RBFOX3: variants seen among roughly 807,000 people sequenced by gnomAD.
RBFOX3 encodes RNA binding protein fox-1 homolog 3.
A neutral mutation model predicts 48.7 loss-of-function variants in RBFOX3; 17 were observed. That is an observed-to-expected ratio of 0.35 (90% CI 0.24 to 0.52). The LOEUF is 0.52. Among genes scored for constraint, RBFOX3 ranks in the 20% least tolerant of loss-of-function variants. The pLI is 0.94. For missense variants in RBFOX3, 382 were observed against 497.5 expected (o/e 0.77, Z 2.21); for synonymous variants, 212 against 209.5 (o/e 1.01, Z -0.10).
chr17:79,441,494 T>C (rs2070903975), intron 2 of RBFOX3, among the ~76,000 whole-genome samples: 1 of 151,830 alleles, frequency 6.6e-6, no homozygotes, highest in Admixed American at 6.5e-5. Flanking sequence ...AGAGCAGAGA[T>C]TGGAGAGACG....
intron 3 of RBFOX3, among the ~76,000 whole-genome samples, chr17:79,302,199 T>A (rs1002657939): frequency 2.0e-5 from 3 of 152,210 alleles, no homozygotes; most frequent in Admixed American, 1.3e-4. Context: ...CTGTGCTGAT[T>A]CCTTCACACA....
the RBFOX3 span, among the ~76,000 whole-genome samples, chr17:79,620,676 C>G: frequency 6.9e-6 from 1 of 144,328 alleles, no homozygotes; most frequent in South Asian, 2.1e-4. Flanking sequence ...CATGCACACA[C>G]GCACATGCAC....
At chr17:79,450,947 G>A (rs1555741269) in intron 2 of RBFOX3, among the ~76,000 whole-genome samples, 1 of 152,210 alleles carries the variant, frequency 6.6e-6, no homozygotes, top group African/African-American at 2.4e-5. Flanking sequence ...CACAAAATGA[G>A]ATTTTCTAAA....
intron 1 of RBFOX3, among the ~76,000 whole-genome samples, chr17:79,548,708 CCTG>C (rs1555792741): frequency 6.6e-6 from 1 of 152,238 alleles, no homozygotes; most frequent in Non-Finnish European, 1.5e-5. Context: ...TGGAGAACAG[CCTG>C]CTACCATCTC....
At chr17:79,601,028 C>G (rs891476983) in intron 1 of RBFOX3, 13 of 152,420 alleles carry the variant, frequency 8.5e-5, no homozygotes, top group African/African-American at 3.1e-4. Context: ...AGCAAGCAGC[C>G]GACATGGCCA....
intron 3 of RBFOX3, among the ~76,000 whole-genome samples, chr17:79,256,988 T>C (rs2064985329): frequency 6.6e-6 from 1 of 151,310 alleles, no homozygotes; most frequent in Non-Finnish European, 1.5e-5. Context: ...AGGAAAGAAG[T>C]TCGTGACGCG....
In RBFOX3 at chr17:79,371,345, C is replaced by CCCGT. The variant is rs758447431; in HGVS notation, c.-174-63525_-174-63522dup. Among the ~76,000 whole-genome samples, 21 of 152,326 alleles carry CCCGT rather than the reference C, an allele frequency of 1.4e-4. 1 individual carries two copies. Among genetic ancestry groups the CCCGT allele is most frequent in the Middle Eastern group, 3.4e-3 (1 of 294 alleles). On this transcript the variant is annotated intron_variant, in intron 2 of 14. Transcript: ENST00000693108. ...CTTTAGAACAAATGAGGAAGCTTTG[C>CCCGT]CCGTGGCCAGATTCCAGAGGAGCCC...
chr17:79,230,104 G>A lies in RBFOX3; in HGVS notation c.-34+5662C>T, dbSNP rs377056042. Among the ~76,000 whole-genome samples the A allele has an allele frequency of 5.5e-4, 84 of 152,274 alleles. No individual in the cohort carries two copies. In the East Asian group the frequency reaches 0.015, roughly 28 times the overall value. ...GCTATTCTCACTGGGGGCAAGGGGG[G>A]TGCCGCCCAGAGGCACAGTGACACG... On this transcript the variant is annotated intron_variant, in intron 4 of 14. Transcript: ENST00000693108.
chr17:79,128,308 G>T (rs1015691615), intron 4 of RBFOX3, among the ~76,000 whole-genome samples: 4 of 152,186 alleles, frequency 2.6e-5, no homozygotes, highest in Non-Finnish European at 4.4e-5. Flanking sequence ...GGATGAGGGG[G>T]GGACTTTGCT....
Position 79,188,768 on chromosome 17 carries a change from C to T in RBFOX3, c.-34+46998G>A, listed in dbSNP as rs554116775. Among the ~76,000 whole-genome samples the T allele has an allele frequency of 1.3e-4, 20 of 152,318 alleles. No homozygotes were observed. The South Asian group carries it at 3.3e-3, about 25-fold the overall frequency. On this transcript the variant is annotated intron_variant, in intron 4 of 14. Transcript: ENST00000693108. ...TGTGGAAGGCGAGCGAGCTCTACACCGAGCAAAAGGAACATCTGAAAGCAG... is the reference window on the plus strand; with the variant it reads ...TGTGGAAGGCGAGCGAGCTCTACACTGAGCAAAAGGAACATCTGAAAGCAG...
At position 79,364,199 on chromosome 17, in the gene RBFOX3, C is replaced by G; in HGVS notation, c.-174-56375G>C. Among the ~76,000 whole-genome samples the G allele has an allele frequency of 6.6e-6, 1 of 152,248 alleles. No homozygotes were observed. The highest frequency in any genetic ancestry group is 1.9e-4 in the East Asian group (1 of 5,190). On this transcript the variant is annotated intron_variant, in intron 2 of 14. Coordinates refer to ENST00000693108, the MANE Select transcript of RBFOX3 (RefSeq NM_001350451.2). This position sits in a 1 kb window ranked among gnomAD's most constrained non-coding sequence, Gnocchi z 5.1. ...AACTGGTGTTCAGCCTTCCTCTCTG[C>G]TCCACCTGCCTGCCCAGAGTAGGTC...
At chr17:79,566,730 C>CACTGT (rs1333071773) in intron 1 of RBFOX3, among the ~76,000 whole-genome samples, 1 of 152,228 alleles carries the variant, frequency 6.6e-6, no homozygotes, top group Non-Finnish European at 1.5e-5. Context: ...CCTTGCTTGC[C>CACTGT]ACTGTTCATA....
intron 1 of RBFOX3, among the ~76,000 whole-genome samples, chr17:79,507,121 C>G (rs1226741055): frequency 6.6e-6 from 1 of 152,042 alleles, no homozygotes; most frequent in African/African-American, 2.4e-5. Flanking sequence ...GGCAGACCCC[C>G]GGGGGAGGCT....
chr17:79,227,048 C>T (rs1201695863), intron 4 of RBFOX3, among the ~76,000 whole-genome samples: 1 of 152,220 alleles, frequency 6.6e-6, no homozygotes. Context: ...CCCCGCCTTG[C>T]TCCCCTTTCT....
chr17:79,237,306 G>C (rs556953042), intron 3 of RBFOX3, among the ~76,000 whole-genome samples: 1 of 152,322 alleles, frequency 6.6e-6, no homozygotes, highest in African/African-American at 2.4e-5. Context: ...TACTGCGGTC[G>C]TTTAGTTTGC....
chr17:79,320,677 CCCTCTGGGCGTTGCCA>C (rs2145997095), intron 2 of RBFOX3, among the ~76,000 whole-genome samples: 1 of 152,210 alleles, frequency 6.6e-6, no homozygotes, highest in South Asian at 2.1e-4. Flanking sequence ...CTGCTCACCA[CCCTCTGGGCGTTGCCA>C]ATAGAGCCCT....
At chr17:79,475,607 C>A (rs2077618887) in intron 2 of RBFOX3, among the ~76,000 whole-genome samples, 1 of 152,194 alleles carries the variant, frequency 6.6e-6, no homozygotes, top group South Asian at 2.1e-4. Context: ...GGCCCCGATC[C>A]AATGACTGGT....
intron 5 of RBFOX3, among the ~76,000 whole-genome samples, chr17:79,110,091 C>A (rs572827587): frequency 6.6e-6 from 1 of 151,246 alleles, no homozygotes; most frequent in Non-Finnish European, 1.5e-5. Flanking sequence ...CAGCCTCCAC[C>A]GCCTTTCCAG....
chr17:79,644,784 GAT>G, the RBFOX3 span, among the ~76,000 whole-genome samples: 4 of 152,192 alleles, frequency 2.6e-5, no homozygotes, highest in Non-Finnish European at 5.9e-5. Context: ...CATATATCAT[GAT>G]TATGTAAGCA....
Sources: gnomAD v4.1 joint callset for allele counts (sites outside exome capture counted in the v4.1 genomes callset) on GRCh38, gnomAD v4.1.1 for gene constraint, Gnocchi (gnomAD v3.1) non-coding constraint, MANE v1.5 for transcripts, NCBI Gene and HGNC (gene_info 2026-07-23, HGNC 2026-07-21) for gene names.